The following CSMD1 variants were observed in gnomAD, a reference collection of about 807,000 sequenced individuals.
CSMD1 encodes CUB and Sushi multiple domains 1.
In CSMD1, 213 loss-of-function variants were observed where a neutral mutation model predicts 417.5. That is an observed-to-expected ratio of 0.51 (90% CI 0.46 to 0.57). The LOEUF is 0.57. Ranked by LOEUF, CSMD1 falls within the 20% of genes least tolerant of loss-of-function variation. The pLI is 0.00. For synonymous variants in CSMD1, 2,862 were observed against 1,736.8 expected (o/e 1.65, Z -16.11); for missense variants, 6,923 against 4,529.7 (o/e 1.53, Z -15.17).
chr8:4,087,878 G>A (rs1397487675), intron 3 of CSMD1, among the ~76,000 whole-genome samples: 1 of 151,962 alleles, frequency 6.6e-6, no homozygotes, highest in Non-Finnish European at 1.5e-5. Context: ...TTTCTACCCT[G>A]CTTAACTCTG....
intron 8 of CSMD1, among the ~76,000 whole-genome samples, chr8:3,588,134 G>C (rs1043894782): frequency 6.7e-6 from 1 of 150,360 alleles, no homozygotes; most frequent in Admixed American, 6.6e-5. Flanking sequence ...TCAGTCTCCA[G>C]TTCTTTCTGT....
rs890527222 is a variant in CSMD1, at chr8:4,144,087, A to C, written c.416-111988T>G. On this transcript the variant is annotated intron_variant, in intron 3 of 69. Coordinates refer to ENST00000635120, the MANE Select transcript of CSMD1 (RefSeq NM_033225.6). The stretch of plus-strand genomic sequence containing the variant: ...AGACGGAAGTTTTTCCTTTCCATTA[A>C]CTTTAGAAAGTTTGAGTTAATTGGG... 5.3e-5 allele frequency among the ~76,000 whole-genome samples: 8 copies of C among 151,040 alleles called. 1 individual carries two copies. Among genetic ancestry groups the C allele is most frequent in the African/African-American group, 2.0e-4 (8 of 40,414 alleles).
rs1288847771 is a variant in CSMD1, at chr8:3,089,421, T to C, written c.7285+2095A>G. On this transcript the variant is annotated intron_variant, in intron 48 of 69. Coordinates refer to ENST00000635120, the MANE Select transcript of CSMD1 (RefSeq NM_033225.6). ...TTTACGGAATTGTCCAGAACCACTG[T>C]TCGCAGGCATTTCTTTGTCGTTTTT... Among the ~76,000 whole-genome samples, 3 of 152,354 alleles carry C rather than the reference T, an allele frequency of 2.0e-5. No individual in the cohort carries two copies. In the East Asian group the frequency reaches 5.8e-4, roughly 29 times the overall value.
At chr8:4,094,572 T>C (rs930245635) in intron 3 of CSMD1, among the ~76,000 whole-genome samples, 1 of 151,930 alleles carries the variant, frequency 6.6e-6, no homozygotes, top group African/African-American at 2.4e-5. Context: ...CACATGAAAA[T>C]AGTAATGGAG....
chr8:4,163,940 T>C (rs976550364), intron 3 of CSMD1, among the ~76,000 whole-genome samples: 3 of 152,138 alleles, frequency 2.0e-5, no homozygotes, highest in African/African-American at 7.2e-5. Flanking sequence ...GTTATATAAG[T>C]TTTCCAGGCT....
intron 5 of CSMD1, among the ~76,000 whole-genome samples, chr8:3,944,479 G>T (rs1479513025): frequency 6.6e-6 from 1 of 151,802 alleles, no homozygotes; most frequent in Non-Finnish European, 1.5e-5. Flanking sequence ...TGAAAGTTTT[G>T]ATGTTGTCAG....
chr8:2,936,200 T>A lies in CSMD1; in HGVS notation c.*2385A>T, dbSNP rs1166246875. 6.6e-6 allele frequency: 1 copy of A among 151,214 alleles called. No homozygotes were observed. Among genetic ancestry groups the A allele is most frequent in the Non-Finnish European group, 1.5e-5 (1 of 67,896 alleles). 9.4% of individuals were successfully genotyped at this position (151,214 alleles called of 1,614,324 possible). On this transcript the variant is annotated 3_prime_UTR_variant, in exon 70 of 70. Transcript: ENST00000635120. ...TGACTTTGCACACAAAGGAAAATCA[T>A]ATCTAATTTGATATGTGGTTTCTTG...
intron 2 of CSMD1, among the ~76,000 whole-genome samples, chr8:4,605,987 G>C (rs1454286151): frequency 6.6e-6 from 1 of 152,162 alleles, no homozygotes; most frequent in Non-Finnish European, 1.5e-5. Flanking sequence ...ACAAAGCCAG[G>C]CCTTATGAAA....
At chr8:4,299,566 A>C (rs1169485642) in intron 3 of CSMD1, among the ~76,000 whole-genome samples, 2 of 152,226 alleles carry the variant, frequency 1.3e-5, no homozygotes, top group Non-Finnish European at 2.9e-5. Flanking sequence ...CATAAAATTT[A>C]AAGTCTACAT....
At chr8:3,311,263 T>C (rs1410461697) in intron 23 of CSMD1, among the ~76,000 whole-genome samples, 2 of 152,148 alleles carry the variant, frequency 1.3e-5, no homozygotes, top group East Asian at 1.9e-4. Flanking sequence ...AACAACTTTT[T>C]TTTTTGGAAA....
chr8:4,697,458 T>C (rs1019090282), intron 1 of CSMD1, among the ~76,000 whole-genome samples: 2 of 152,164 alleles, frequency 1.3e-5, no homozygotes, highest in Admixed American at 6.5e-5. Context: ...GTTCAATACG[T>C]AAAAAATTTG....
intron 7 of CSMD1, among the ~76,000 whole-genome samples, chr8:3,693,043 T>C (rs1800340130): frequency 6.6e-6 from 1 of 152,170 alleles, no homozygotes. Context: ...TTTACAATAT[T>C]AAAGTTCTTC....
At chr8:3,706,398 T>C (rs1801172072) in intron 7 of CSMD1, among the ~76,000 whole-genome samples, 2 of 152,256 alleles carry the variant, frequency 1.3e-5, no homozygotes, top group Non-Finnish European at 2.9e-5. Flanking sequence ...TACCTTTCTT[T>C]GGAATGACAC....
intron 42 of CSMD1, among the ~76,000 whole-genome samples, chr8:3,115,032 T>C (rs767703806): frequency 8.4e-4 from 128 of 152,320 alleles, no homozygotes; most frequent in Non-Finnish European, 1.4e-3. Context: ...TAAAATTATA[T>C]TTTTATGCAT....
At chr8:3,926,082 TACACACACAC>T (rs58966907) in intron 5 of CSMD1, among the ~76,000 whole-genome samples, 6,062 of 103,558 alleles carry the variant, frequency 0.059, 259 homozygotes, top group Non-Finnish European at 0.068. Flanking sequence ...ACAAACACCA[TACACACACAC>T]ACACACACAC....
chr8:4,599,056 C>A (rs117305468), intron 2 of CSMD1, among the ~76,000 whole-genome samples: 1 of 152,090 alleles, frequency 6.6e-6, no homozygotes, highest in African/African-American at 2.4e-5. Flanking sequence ...AAAGAATCCA[C>A]GTAACATGAA....
intron 3 of CSMD1, among the ~76,000 whole-genome samples, chr8:4,119,228 G>A (rs774012806): frequency 2.0e-5 from 3 of 152,018 alleles, no homozygotes; most frequent in Non-Finnish European, 4.4e-5. Flanking sequence ...TGCACATTCT[G>A]CACATGTGTC....
chr8:3,663,393 G>A (rs1490097502), intron 7 of CSMD1, among the ~76,000 whole-genome samples: 2 of 152,040 alleles, frequency 1.3e-5, no homozygotes, highest in African/African-American at 4.8e-5. Flanking sequence ...AAATTTCCCT[G>A]ACTGCTTTTA....
rs920729536 is a variant in CSMD1, at chr8:4,119,674, G to A, written c.416-87575C>T. 2.8e-4 allele frequency among the ~76,000 whole-genome samples: 43 copies of A among 152,320 alleles called. No homozygotes were observed. The South Asian group carries it at 2.9e-3, about 10-fold the overall frequency. On this transcript the variant is annotated intron_variant, in intron 3 of 69. Transcript: ENST00000635120. ...CACACAAGCACACACTTGCAAGCCAGGAAGAGAGTCCTCCCAGAACCACAG... is the reference window on the plus strand; with the variant it reads ...CACACAAGCACACACTTGCAAGCCAAGAAGAGAGTCCTCCCAGAACCACAG...
Sources: gnomAD v4.1 joint callset for allele counts (sites outside exome capture counted in the v4.1 genomes callset) on GRCh38, gnomAD v4.1.1 for gene constraint, MANE v1.5 for transcripts, NCBI Gene and HGNC (gene_info 2026-07-23, HGNC 2026-07-21) for gene names.